XXYLT1: variants seen among roughly 807,000 people sequenced by gnomAD.
XXYLT1 encodes the protein xyloside xylosyltransferase 1.
In XXYLT1, 20 loss-of-function variants were observed where a neutral mutation model predicts 28.9. The observed-to-expected ratio is 0.69, with a 90% CI of 0.49 to 1.00. The LOEUF (loss-of-function observed/expected upper bound fraction) is 1.00, where lower values mean the gene tolerates loss of function less well. Among genes scored for constraint, XXYLT1 ranks in the 50% least tolerant of loss-of-function variants. The pLI, the probability that XXYLT1 is intolerant of heterozygous loss-of-function variation, is 0.00. For synonymous variants in XXYLT1, 257 were observed against 253.8 expected (o/e 1.01, Z -0.12); for missense variants, 542 against 560.1 (o/e 0.97, Z 0.33).
At chr3:195,171,975 TTGTGTGG>T (rs1396842369) in intron 2 of XXYLT1, among the ~76,000 whole-genome samples, 4 of 152,216 alleles carry the variant, frequency 2.6e-5, no homozygotes, top group African/African-American at 9.7e-5. Flanking sequence ...CAGGCGTTAA[TTGTGTGG>T]TCACAGAAAC....
chr3:195,234,652 T>C (rs1217668536), intron 1 of XXYLT1, among the ~76,000 whole-genome samples: 1 of 152,122 alleles, frequency 6.6e-6, no homozygotes, highest in Non-Finnish European at 1.5e-5. Flanking sequence ...GCTATTTAAG[T>C]TTTTTCCCTT....
chr3:195,089,329 C>T (rs1322245980), intron 3 of XXYLT1, among the ~76,000 whole-genome samples: 3 of 152,092 alleles, frequency 2.0e-5, no homozygotes, highest in Admixed American at 6.5e-5. Context: ...GTGGATCTCT[C>T]GGCAGAAACC....
chr3:195,171,583 T>G (rs1021007600), intron 2 of XXYLT1, among the ~76,000 whole-genome samples: 2 of 152,238 alleles, frequency 1.3e-5, no homozygotes, highest in Non-Finnish European at 2.9e-5. Context: ...GTGTCTTGAT[T>G]GTACTCTTAA....
chr3:195,270,546 C>A lies in XXYLT1; in HGVS notation c.504+9G>T. ...ACCCACCGGGAGCCCCCAGCCGCGGCCCGCTCACCTTGCACTTGAAGCCAG... is the reference window on the plus strand; with the variant it reads ...ACCCACCGGGAGCCCCCAGCCGCGGACCGCTCACCTTGCACTTGAAGCCAG... On this transcript the variant is annotated intron_variant, in intron 1 of 3. Coordinates refer to ENST00000310380, the MANE Select transcript of XXYLT1 (RefSeq NM_152531.5). 7.2e-7 allele frequency: 1 copy of A among 1,380,268 alleles called. No individual in the cohort carries two copies. The highest frequency in any genetic ancestry group is 9.3e-7 in the Non-Finnish European group (1 of 1,070,356). 85.5% of individuals were successfully genotyped at this position (1,380,268 alleles called of 1,614,324 possible).
chr3:195,162,387 G>C (rs549521086), intron 2 of XXYLT1, among the ~76,000 whole-genome samples: 3 of 152,316 alleles, frequency 2.0e-5, no homozygotes, highest in African/African-American at 7.2e-5. Flanking sequence ...TGGTCGGGGG[G>C]AGAAAGGAAA....
intron 2 of XXYLT1, among the ~76,000 whole-genome samples, chr3:195,204,454 A>G (rs531248892): frequency 2.5e-4 from 37 of 149,670 alleles, no homozygotes; most frequent in African/African-American, 8.6e-4. Flanking sequence ...ACACACACGC[A>G]CACACACACA....
chr3:195,136,475 G>A (rs1474373110), intron 3 of XXYLT1, among the ~76,000 whole-genome samples: 3 of 152,146 alleles, frequency 2.0e-5, no homozygotes, highest in Non-Finnish European at 4.4e-5. Context: ...AGGGGCAGAG[G>A]GGACAGGCAG....
intron 2 of XXYLT1, among the ~76,000 whole-genome samples, chr3:195,214,572 C>T (rs1019752830): frequency 9.9e-5 from 15 of 152,136 alleles, no homozygotes; most frequent in Admixed American, 5.2e-4. Flanking sequence ...CATCTACATA[C>T]GGCATCCACA....
chr3:195,097,274 G>A (rs1319728257), intron 3 of XXYLT1, among the ~76,000 whole-genome samples: 1 of 152,204 alleles, frequency 6.6e-6, no homozygotes, highest in African/African-American at 2.4e-5. Flanking sequence ...GAGATATACT[G>A]TAGCTGACAT....
chr3:195,169,038 G>A (rs1721266166), intron 2 of XXYLT1, among the ~76,000 whole-genome samples: 1 of 152,212 alleles, frequency 6.6e-6, no homozygotes, highest in Admixed American at 6.5e-5. Context: ...ACAGTTCCGT[G>A]GGTCCCCTAG....
At chr3:195,181,690 G>A (rs1268277793) in intron 2 of XXYLT1, among the ~76,000 whole-genome samples, 1 of 152,130 alleles carries the variant, frequency 6.6e-6, no homozygotes, top group Admixed American at 6.5e-5. Context: ...GAAGTCTTGG[G>A]CCCAAGTGGT....
chr3:195,259,079 G>T (rs1247368105), intron 1 of XXYLT1, among the ~76,000 whole-genome samples: 3 of 152,244 alleles, frequency 2.0e-5, no homozygotes, highest in Non-Finnish European at 2.9e-5. Context: ...CAGGCTGTGA[G>T]CTGTCTCATT....
chr3:195,161,187 T>C (rs1347510506), intron 2 of XXYLT1, among the ~76,000 whole-genome samples: 1 of 152,216 alleles, frequency 6.6e-6, no homozygotes, highest in African/African-American at 2.4e-5. Flanking sequence ...TGGTGGTTAG[T>C]ATCTTCCAGT....
At chr3:195,234,934 T>C (rs1026516805) in intron 1 of XXYLT1, among the ~76,000 whole-genome samples, 22 of 152,018 alleles carry the variant, frequency 1.4e-4, no homozygotes, top group African/African-American at 5.3e-4. Context: ...TATTATCCCT[T>C]TAAATAAACT....
chr3:195,217,850 C>G (rs1383502241), intron 2 of XXYLT1, among the ~76,000 whole-genome samples: 4 of 143,530 alleles, frequency 2.8e-5, no homozygotes, highest in South Asian at 4.4e-4. Flanking sequence ...GAGCCCGCAT[C>G]GCCAAGTCAA....
intron 1 of XXYLT1, among the ~76,000 whole-genome samples, chr3:195,232,423 T>C (rs1724341898): frequency 6.6e-6 from 1 of 152,168 alleles, no homozygotes; most frequent in African/African-American, 2.4e-5. Context: ...TTTCTTCCAC[T>C]AACTTTGGGT....
At chr3:195,141,774 CTG>C (rs1482555393) in intron 3 of XXYLT1, among the ~76,000 whole-genome samples, 1 of 152,234 alleles carries the variant, frequency 6.6e-6, no homozygotes, top group African/African-American at 2.4e-5. Flanking sequence ...CAATGGCCAC[CTG>C]TGTAAAGGTA....
intron 2 of XXYLT1, among the ~76,000 whole-genome samples, chr3:195,175,399 G>A (rs911272106): frequency 2.0e-5 from 3 of 152,240 alleles, no homozygotes; most frequent in African/African-American, 7.2e-5. Flanking sequence ...GGACAGAAGG[G>A]AAGTCTAAGA....
At chr3:195,251,364 T>C (rs1443826537) in intron 1 of XXYLT1, among the ~76,000 whole-genome samples, 1 of 152,042 alleles carries the variant, frequency 6.6e-6, no homozygotes, top group Non-Finnish European at 1.5e-5. Context: ...CCCAGCCAGG[T>C]GGAAAGGGGC....
Sources: allele counts gnomAD v4.1 joint callset (sites outside exome capture counted in the v4.1 genomes callset), GRCh38; gene constraint gnomAD v4.1.1; transcripts MANE v1.5; gene names NCBI Gene and HGNC (gene_info 2026-07-23, HGNC 2026-07-21).